Variants in ZNF385D observed in about 807,000 individuals in gnomAD.
ZNF385D encodes the protein zinc finger protein 659.
In ZNF385D, 15 loss-of-function variants were observed where a neutral mutation model predicts 35.8. The observed-to-expected ratio is 0.42, with a 90% CI of 0.28 to 0.64. ZNF385D has a LOEUF of 0.64. Ranked by LOEUF, ZNF385D falls within the 30% of genes least tolerant of loss-of-function variation. ZNF385D has a pLI of 0.23. For missense variants in ZNF385D, 474 were observed against 494.6 expected, an observed-to-expected ratio of 0.96 and a Z score of 0.39; for synonymous variants, 212 against 186.8, an observed-to-expected ratio of 1.13 and a Z score of -1.10.
chr3:22,250,641 A>G (rs1346493280), intron 2 of ZNF385D, among the ~76,000 whole-genome samples: 1 of 152,128 alleles, frequency 6.6e-6, no homozygotes, highest in African/African-American at 2.4e-5. Context: ...TGATGAGAGA[A>G]GAATATTAAA....
At chr3:21,832,485 G>T (rs1345402501) in intron 3 of ZNF385D, among the ~76,000 whole-genome samples, 2 of 152,154 alleles carry the variant, frequency 1.3e-5, no homozygotes, top group Non-Finnish European at 2.9e-5. Flanking sequence ...GATCAGCAAA[G>T]CAGGTGCTTC....
chr3:21,734,512 C>T (rs1189279170), intron 1 of ZNF385D, among the ~76,000 whole-genome samples: 3 of 150,888 alleles, frequency 2.0e-5, no homozygotes, highest in East Asian at 1.9e-4. Flanking sequence ...TAAAAATGAG[C>T]GTTTACATTT....
At chr3:21,756,938 A>T (rs1001266992) in intron 3 of ZNF385D, among the ~76,000 whole-genome samples, 1 of 152,108 alleles carries the variant, frequency 6.6e-6, no homozygotes, top group African/African-American at 2.4e-5. Context: ...TCCTAAATCA[A>T]TTTTATGACC....
intron 2 of ZNF385D, among the ~76,000 whole-genome samples, chr3:21,599,292 GTGTT>G (rs1291762222): frequency 6.6e-6 from 1 of 152,146 alleles, no homozygotes; most frequent in African/African-American, 2.4e-5. Context: ...CAAAATCATA[GTGTT>G]TGTTTGGCAA....
chr3:21,900,828 G>C (rs1339984940), intron 3 of ZNF385D, among the ~76,000 whole-genome samples: 1 of 152,168 alleles, frequency 6.6e-6, no homozygotes, highest in Non-Finnish European at 1.5e-5. Flanking sequence ...CTTTGGCCTT[G>C]CACTGGGATA....
intron 3 of ZNF385D, among the ~76,000 whole-genome samples, chr3:22,153,820 T>C (rs1200535538): frequency 7.2e-5 from 11 of 151,992 alleles, no homozygotes; most frequent in African/African-American, 2.4e-4. Context: ...GTGTGGCTGG[T>C]CTCATAGTCA....
At chr3:21,439,434 G>A (rs1367319047) in intron 4 of ZNF385D, among the ~76,000 whole-genome samples, 2 of 151,756 alleles carry the variant, frequency 1.3e-5, no homozygotes, top group African/African-American at 4.8e-5. Context: ...AGTGATAACC[G>A]TAAATACAGA....
intron 2 of ZNF385D, among the ~76,000 whole-genome samples, chr3:21,611,539 C>T (rs2064679890): frequency 6.6e-6 from 1 of 152,150 alleles, no homozygotes; most frequent in South Asian, 2.1e-4. Flanking sequence ...CTCTATAAAG[C>T]AGACATGACA....
chr3:22,010,664 A>T (rs1253830032), intron 3 of ZNF385D, among the ~76,000 whole-genome samples: 3 of 152,196 alleles, frequency 2.0e-5, no homozygotes, highest in Non-Finnish European at 4.4e-5. Context: ...CTACAAAAAC[A>T]GTCTAGGGCC....
intron 2 of ZNF385D, among the ~76,000 whole-genome samples, chr3:22,339,994 T>A (rs555835155): frequency 6.6e-6 from 1 of 152,196 alleles, no homozygotes; most frequent in African/African-American, 2.4e-5. Flanking sequence ...AATCTGCCCA[T>A]CAGTCATGTA....
At chr3:21,887,757 C>T (rs1432696261) in intron 3 of ZNF385D, among the ~76,000 whole-genome samples, 2 of 151,972 alleles carry the variant, frequency 1.3e-5, no homozygotes, top group African/African-American at 2.4e-5. Flanking sequence ...TCTAGGGAGT[C>T]TTAAATAATA....
chr3:22,353,696 A>C (rs2125500430), intron 2 of ZNF385D, among the ~76,000 whole-genome samples: 1 of 152,260 alleles, frequency 6.6e-6, no homozygotes, highest in East Asian at 1.9e-4. Flanking sequence ...TTCAATATGC[A>C]ATTAGACAGT....
At chr3:22,139,672 G>A (rs377614380) in intron 3 of ZNF385D, among the ~76,000 whole-genome samples, 1 of 151,936 alleles carries the variant, frequency 6.6e-6, no homozygotes, top group Non-Finnish European at 1.5e-5. Flanking sequence ...GTTAAATGAC[G>A]AGTTACTTGG....
At chr3:21,514,923 A>G (rs984744596) in intron 3 of ZNF385D, among the ~76,000 whole-genome samples, 2 of 152,168 alleles carry the variant, frequency 1.3e-5, no homozygotes, top group African/African-American at 4.8e-5. Context: ...ACATGACACC[A>G]TTAAATCTAA....
At chr3:22,128,555 CTTA>C (rs1703583156) in intron 3 of ZNF385D, among the ~76,000 whole-genome samples, 1 of 151,868 alleles carries the variant, frequency 6.6e-6, no homozygotes, top group Non-Finnish European at 1.5e-5. Context: ...GTATGTGTGT[CTTA>C]TTATTTTTTA....
intron 2 of ZNF385D, among the ~76,000 whole-genome samples, chr3:22,325,691 G>A (rs1161590454): frequency 6.6e-6 from 1 of 152,076 alleles, no homozygotes; most frequent in African/African-American, 2.4e-5. Context: ...CCCAGGGGCG[G>A]ATGCCACAGT....
intron 3 of ZNF385D, among the ~76,000 whole-genome samples, chr3:22,076,962 T>A (rs903253824): frequency 1.3e-5 from 2 of 151,936 alleles, no homozygotes; most frequent in Admixed American, 1.3e-4. Flanking sequence ...TTTTTAATCA[T>A]ATTAATATGT....
chr3:21,587,459 A>G (rs1431485684), intron 2 of ZNF385D, among the ~76,000 whole-genome samples: 2 of 152,300 alleles, frequency 1.3e-5, no homozygotes, highest in East Asian at 3.9e-4. Context: ...CATTCTTCTC[A>G]TTTGGGTAAC....
intron 2 of ZNF385D, among the ~76,000 whole-genome samples, chr3:22,345,055 T>C (rs1379116590): frequency 1.3e-5 from 2 of 152,200 alleles, no homozygotes; most frequent in Non-Finnish European, 2.9e-5. Flanking sequence ...GTAATAATTG[T>C]TTATGATCAT....
Sources: allele counts gnomAD v4.1 joint callset (sites outside exome capture counted in the v4.1 genomes callset), GRCh38; gene constraint gnomAD v4.1.1; transcripts MANE v1.5; gene names NCBI Gene and HGNC (gene_info 2026-07-23, HGNC 2026-07-21).